The following ZNF423 variants were observed in gnomAD, a reference collection of about 807,000 sequenced individuals.
The protein encoded by ZNF423 is zinc finger protein 423.
Under a neutral mutation model 95.8 loss-of-function variants are expected in ZNF423, and 12 were observed. That is an observed-to-expected ratio of 0.13 (90% CI 0.08 to 0.20). The LOEUF is 0.20. ZNF423 is among the 10% of genes least tolerant of loss of function. The probability of loss-of-function intolerance (pLI) is 1.00; values close to 1 mark genes in which losing one functional copy is unlikely to be tolerated. For synonymous variants in ZNF423, 749 were observed against 711.9 expected (o/e 1.05, Z -0.83); for missense variants, 1,316 against 1,737.1 (o/e 0.76, Z 4.31).
intron 3 of ZNF423, among the ~76,000 whole-genome samples, chr16:49,688,554 G>A (rs759225621): frequency 2.0e-5 from 3 of 152,220 alleles, no homozygotes; most frequent in Non-Finnish European, 4.4e-5. Flanking sequence ...GTCTTCCTAA[G>A]TTGGGAGACT....
rs570319592 is a variant in ZNF423, at chr16:49,657,371, G to A, written c.302-18497C>T. ...AGCTCCAGGAGACAGTCATGAGCTT[G>A]GTCCAATTTTATGGAAGGGAACGCT... On this transcript the variant is annotated intron_variant, in intron 3 of 7. Transcript: ENST00000563137. Among the ~76,000 whole-genome samples the A allele has an allele frequency of 1.2e-3, 185 of 152,316 alleles. 1 individual carries two copies. The highest frequency in any genetic ancestry group is 4.1e-3 in the African/African-American group (169 of 41,584).
chr16:49,760,851 C>G (rs906616717), intron 2 of ZNF423, among the ~76,000 whole-genome samples: 3 of 151,704 alleles, frequency 2.0e-5, no homozygotes, highest in African/African-American at 7.3e-5. Context: ...TCTGCTATAT[C>G]CATTGCTTCC....
At chr16:49,660,333 G>C (rs1196798328) in intron 3 of ZNF423, among the ~76,000 whole-genome samples, 5 of 152,206 alleles carry the variant, frequency 3.3e-5, no homozygotes, top group African/African-American at 1.2e-4. Context: ...TTCGTCTAAA[G>C]GAGGCACTTG....
chr16:49,855,264 C>A lies in ZNF423; in HGVS notation c.40+471G>T, dbSNP rs1460842121. ...CAGAGAGAGCCAGCGAGGCCCGGGG[C>A]CAGCGAGGAGCGGTCGGCCTGCCGG... On this transcript the variant is annotated intron_variant, in intron 1 of 7. Transcript: ENST00000563137. This position sits in a 1 kb window ranked among gnomAD's most constrained non-coding sequence, Gnocchi z 4.7. Among the ~76,000 whole-genome samples the A allele has an allele frequency of 2.0e-5, 3 of 151,130 alleles. No homozygotes were observed. The highest frequency in any genetic ancestry group is 7.3e-5 in the African/African-American group (3 of 41,264).
chr16:49,617,433 G>C, intron 5 of ZNF423, among the ~76,000 whole-genome samples: 1 of 152,192 alleles, frequency 6.6e-6, no homozygotes, highest in Admixed American at 6.5e-5. Flanking sequence ...GACATCAAAG[G>C]ATGCTCAACA....
intron 1 of ZNF423, among the ~76,000 whole-genome samples, chr16:49,821,050 T>C (rs967411101): frequency 4.6e-5 from 7 of 152,232 alleles, no homozygotes; most frequent in South Asian, 2.1e-4. Context: ...CTCTTTTATT[T>C]GCATTGGAGG....
chr16:49,523,502 C>T, intron 7 of ZNF423, 122 bp downstream of exon 7: 3 of 773,786 alleles, frequency 3.9e-6, no homozygotes, highest in South Asian at 1.7e-5. Flanking sequence ...AGGAGGTCAG[C>T]CCCTGATTGC....
chr16:49,773,816 G>A (rs767728324), intron 2 of ZNF423, among the ~76,000 whole-genome samples: 5 of 152,198 alleles, frequency 3.3e-5, no homozygotes, highest in Admixed American at 2.0e-4. Context: ...GCGCCCGCAA[G>A]GACTCAGTGA....
chr16:49,520,534 A>G (rs1176602973), intron 7 of ZNF423, among the ~76,000 whole-genome samples: 1 of 152,148 alleles, frequency 6.6e-6, no homozygotes, highest in Non-Finnish European at 1.5e-5. Flanking sequence ...AGTGAGCTCA[A>G]TCCTAAGCCT....
At chr16:49,736,690 G>A (rs922528707) in intron 2 of ZNF423, among the ~76,000 whole-genome samples, 1 of 152,178 alleles carries the variant, frequency 6.6e-6, no homozygotes, top group Non-Finnish European at 1.5e-5. Context: ...AGCTACTTGA[G>A]AGGCTGAAGC....
At chr16:49,667,392 C>T (rs187895758) in intron 3 of ZNF423, among the ~76,000 whole-genome samples, 7 of 152,286 alleles carry the variant, frequency 4.6e-5, no homozygotes, top group South Asian at 4.2e-4. Context: ...CCTCATCCCC[C>T]GAGTGAGGAA....
intron 1 of ZNF423, among the ~76,000 whole-genome samples, chr16:49,798,606 T>G (rs551380857): frequency 1.4e-4 from 21 of 151,986 alleles, no homozygotes; most frequent in Non-Finnish European, 2.9e-4. Context: ...AATAAATACA[T>G]ACAATTTTTT....
chr16:49,728,032 G>C (rs920594543), intron 3 of ZNF423, among the ~76,000 whole-genome samples: 9 of 152,070 alleles, frequency 5.9e-5, no homozygotes, highest in Non-Finnish European at 1.0e-4. Context: ...AAGGTGAATC[G>C]CTCCGACTGG....
At chr16:49,564,445 C>T (rs988631461) in intron 5 of ZNF423, among the ~76,000 whole-genome samples, 1 of 152,204 alleles carries the variant, frequency 6.6e-6, no homozygotes, top group Non-Finnish European at 1.5e-5. Context: ...TTGAGTCAGA[C>T]TCAGGGGCCA....
chr16:49,812,883 T>C (rs544326113), intron 1 of ZNF423, among the ~76,000 whole-genome samples: 1 of 152,190 alleles, frequency 6.6e-6, no homozygotes, highest in East Asian at 1.9e-4. Flanking sequence ...CACAAGAAAC[T>C]AGGACCAGCA....
At chr16:49,510,620 T>C (rs1967848364) in intron 7 of ZNF423, among the ~76,000 whole-genome samples, 1 of 152,182 alleles carries the variant, frequency 6.6e-6, no homozygotes. Flanking sequence ...CAGGAGTGTC[T>C]GTGTCTGTGT....
At chr16:49,560,116 G>A (rs1008863328) in intron 5 of ZNF423, among the ~76,000 whole-genome samples, 4 of 152,240 alleles carry the variant, frequency 2.6e-5, no homozygotes, top group East Asian at 1.9e-4. Flanking sequence ...GCAGGTTGGC[G>A]ATTAACAAAA....
intron 3 of ZNF423, among the ~76,000 whole-genome samples, chr16:49,702,792 GCTGGCTCACCCACAGC>G (rs1292387545): frequency 3.3e-5 from 5 of 152,210 alleles, no homozygotes; most frequent in Non-Finnish European, 5.9e-5. Context: ...CCCTGGGGAG[GCTGGCTCACCCACAGC>G]CCCACACGCT....
At chr16:49,676,821 T>C (rs1395430571) in intron 3 of ZNF423, among the ~76,000 whole-genome samples, 1 of 151,794 alleles carries the variant, frequency 6.6e-6, no homozygotes, top group Non-Finnish European at 1.5e-5. Flanking sequence ...AGAAGGAGGG[T>C]TTAGAAAGGA....
Sources: allele counts gnomAD v4.1 joint callset (sites outside exome capture counted in the v4.1 genomes callset), GRCh38; gene constraint gnomAD v4.1.1; non-coding constraint Gnocchi (gnomAD v3.1); transcripts MANE v1.5; gene names NCBI Gene and HGNC (gene_info 2026-07-23, HGNC 2026-07-21).